Variants in C17orf78 observed in about 807,000 individuals in gnomAD.
C17orf78 encodes uncharacterized protein C17orf78.
A neutral mutation model predicts 31.8 loss-of-function variants in C17orf78; 27 were observed. That is an observed-to-expected ratio of 0.85 (90% CI 0.63 to 1.17). C17orf78 has a LOEUF of 1.17. Ranked by LOEUF, C17orf78 falls within the 50% of genes most tolerant of loss-of-function variation. The probability of loss-of-function intolerance (pLI) is 0.00; values close to 1 mark genes in which losing one functional copy is unlikely to be tolerated. For missense variants in C17orf78, 258 were observed against 315.2 expected (o/e 0.82, Z 1.37); for synonymous variants, 106 against 115.1 (o/e 0.92, Z 0.51).
chr17:37,380,515 C>A (rs182218924), intron 3 of C17orf78, among the ~76,000 whole-genome samples: 1 of 152,054 alleles, frequency 6.6e-6, no homozygotes, highest in African/African-American at 2.4e-5. Context: ...CTCTAAGATC[C>A]CTTCTAGCCC....
At position 37,376,100 on chromosome 17, in the gene C17orf78, C is replaced by A; in HGVS notation, c.8C>A (p.Thr3Asn). The stretch of plus-strand genomic sequence containing the variant: ...GCATGTGCTCAAGCTAACATGGATA[C>A]CATCTTGGTCTTCAGCCTAATCATT... MDTILVFSLIIAS... is the reference protein window; with the variant it reads MDNILVFSLIIAS... Residue 3 changes from threonine (T) to asparagine (N), a missense_variant, in exon 1 of 7, where the codon ACC becomes AAC. Physicochemically the swap from Thr to Asn is moderately conservative, Grantham distance 65. Coordinates refer to ENST00000615133, the MANE Select transcript of C17orf78 (RefSeq NM_173625.5). 1 of 1,612,608 alleles carries A rather than the reference C, an allele frequency of 6.2e-7. No individual in the cohort carries two copies. Among genetic ancestry groups the A allele is most frequent in the Middle Eastern group, 1.7e-4 (1 of 6,058 alleles).
At position 37,376,068 on chromosome 17, in the gene C17orf78, G is replaced by A. The variant is rs751781871; in HGVS notation, c.-25G>A. 1.9e-5 allele frequency: 30 copies of A among 1,601,218 alleles called. No homozygotes were observed. Among genetic ancestry groups the A allele is most frequent in the Non-Finnish European group, 2.6e-5 (30 of 1,168,420 alleles). On this transcript the variant is annotated 5_prime_UTR_variant, in exon 1 of 7. Transcript: ENST00000615133. ...GTGACAGATGAGCAGTGGTCTGTCT[G>A]CAATGAGCATGTGCTCAAGCTAACA...
At chr17:37,377,446 A>G (rs570309061) in intron 1 of C17orf78, among the ~76,000 whole-genome samples, 2 of 152,040 alleles carry the variant, frequency 1.3e-5, no homozygotes, top group Admixed American at 6.6e-5. Context: ...GATCACCTGA[A>G]GTAAGGAGTT....
intron 6 of C17orf78, among the ~76,000 whole-genome samples, chr17:37,390,175 T>TATATATATATATATACAC (rs60788220): frequency 8.8e-4 from 39 of 44,480 alleles, no homozygotes; most frequent in East Asian, 1.3e-3. Flanking sequence ...TATATATATA[T>TATATATATATATATACAC]ACACACACAC....
intron 6 of C17orf78, among the ~76,000 whole-genome samples, chr17:37,390,304 T>TTATATATATATATATATATATATATA: frequency 5.6e-5 from 1 of 17,974 alleles, no homozygotes; most frequent in East Asian, 4.3e-3. Context: ...TTATACATAA[T>TTATATATATATATATATATATATATA]TATATATATA....
At chr17:37,376,277 C>A in intron 1 of C17orf78, 127 bp downstream of exon 1, 1 of 730,950 alleles carries the variant, frequency 1.4e-6, no homozygotes, top group Non-Finnish European at 2.3e-6. Flanking sequence ...GAGTTAATCC[C>A]ATGTATCCAC....
chr17:37,387,503 G>T (rs188886877), intron 4 of C17orf78: 1 of 151,580 alleles, frequency 6.6e-6, no homozygotes, highest in East Asian at 2.0e-4. Flanking sequence ...CTGGAGTGCA[G>T]TAGCGTAGTC....
chr17:37,380,432 A>G (rs779499884), intron 3 of C17orf78, among the ~76,000 whole-genome samples: 199 of 152,146 alleles, frequency 1.3e-3, no homozygotes, highest in Middle Eastern at 3.4e-3. Flanking sequence ...TAATAATAAA[A>G]GAAAAAAAAA....
At chr17:37,381,692 A>C (rs370107508) in intron 3 of C17orf78, among the ~76,000 whole-genome samples, 114 of 138,270 alleles carry the variant, frequency 8.2e-4, no homozygotes, top group African/African-American at 2.9e-3. Flanking sequence ...CAGTGGTGCG[A>C]TCTCAGCTCA....
chr17:37,381,560 T>C (rs1342697223), intron 3 of C17orf78, among the ~76,000 whole-genome samples: 2 of 151,796 alleles, frequency 1.3e-5, no homozygotes, highest in Non-Finnish European at 2.9e-5. Flanking sequence ...TACCCCATAC[T>C]TTTTTATATT....
rs1393614803 is a variant in C17orf78 at position 37,384,547 on chromosome 17, T to C, written c.392-1462T>C. ...GGTAGAGCAAGTATTATTTTACTAT[T>C]ACCATCTTACAGATTAAAAAAAAAA... is the stretch of plus-strand genomic sequence containing the variant. On this transcript the variant is annotated intron_variant, in intron 3 of 6. Transcript: ENST00000615133. 5.9e-5 allele frequency among the ~76,000 whole-genome samples: 9 copies of C among 151,696 alleles called. 1 individual carries two copies. The highest frequency in any genetic ancestry group is 5.3e-4 in the Admixed American group (8 of 15,180).
intron 4 of C17orf78, among the ~76,000 whole-genome samples, chr17:37,386,635 T>C (rs2050544399): frequency 6.6e-6 from 1 of 152,106 alleles, no homozygotes; most frequent in Non-Finnish European, 1.5e-5. Flanking sequence ...GTCCCAGAAA[T>C]GTTTGTAATT....
chr17:37,382,628 G>A (rs370430639), intron 3 of C17orf78, among the ~76,000 whole-genome samples: 84 of 152,194 alleles, frequency 5.5e-4, no homozygotes, highest in South Asian at 8.3e-4. Flanking sequence ...TTGGAAGGCC[G>A]AGGCAGGCGG....
chr17:37,382,550 G>A (rs1239642631), intron 3 of C17orf78, among the ~76,000 whole-genome samples: 1 of 151,978 alleles, frequency 6.6e-6, no homozygotes. Context: ...CTCTCAGGAT[G>A]TTACAGAAAA....
At chr17:37,377,852 C>T (rs2049366077) in intron 1 of C17orf78, 27 bp from the exon 2 acceptor site, 1 of 1,587,240 alleles carries the variant, frequency 6.3e-7, no homozygotes, top group African/African-American at 1.3e-5. Flanking sequence ...TCCCCGGTTC[C>T]CCTCCTCCCC....
At chr17:37,385,743 C>T (rs2050497523) in intron 3 of C17orf78, among the ~76,000 whole-genome samples, 1 of 152,082 alleles carries the variant, frequency 6.6e-6, no homozygotes, top group African/African-American at 2.4e-5. Context: ...TAATGATAGG[C>T]AATGATATCA....
intron 2 of C17orf78, 106 bp from the exon 3 acceptor site, chr17:37,379,031 C>T: frequency 7.5e-7 from 1 of 1,332,724 alleles, no homozygotes. Context: ...ATGATTGCGA[C>T]ACTGCACTCC....
At chr17:37,380,529 T>C (rs1361420895) in intron 3 of C17orf78, among the ~76,000 whole-genome samples, 4 of 152,152 alleles carry the variant, frequency 2.6e-5, no homozygotes, top group African/African-American at 9.7e-5. Flanking sequence ...CTAGCCCTGA[T>C]ACTCTGTGAT....
In C17orf78 at chr17:37,379,273, G is replaced by T; in HGVS notation, c.282G>T (p.Leu94Phe). Residue 94 changes from leucine (L) to phenylalanine (F), a missense_variant, in exon 3 of 7, where the codon TTG becomes TTT. Transcript: ENST00000615133. The part of the protein sequence containing the change: ...LERRPKVKHI[L>F]KNLRIIAAPR... ...GAAGGCCAAAGGTCAAGCATATTTTGAAGAACCTGAGAATCATTGCTGCTC... is the reference window on the plus strand; with the variant it reads ...GAAGGCCAAAGGTCAAGCATATTTTTAAGAACCTGAGAATCATTGCTGCTC... 6.2e-7 allele frequency: 1 copy of T among 1,613,978 alleles called. No homozygotes were observed. The highest frequency in any genetic ancestry group is 1.1e-5 in the South Asian group (1 of 91,078).
Sources: allele counts gnomAD v4.1 joint callset (sites outside exome capture counted in the v4.1 genomes callset), GRCh38; gene constraint gnomAD v4.1.1; transcripts MANE v1.5; gene names NCBI Gene and HGNC (gene_info 2026-07-23, HGNC 2026-07-21).